Variants in EYA3 observed in about 807,000 individuals in gnomAD.
EYA3 encodes the protein EYA transcriptional coactivator and phosphatase 3.
In EYA3, 39 loss-of-function variants were observed where a neutral mutation model predicts 80.0. The ratio of observed to expected loss-of-function variants is 0.49; its 90% CI spans 0.38 to 0.64. The LOEUF (loss-of-function observed/expected upper bound fraction) is 0.64. EYA3 is among the 30% of genes least tolerant of loss of function. EYA3 has a pLI of 0.00. For missense variants in EYA3, 523 were observed against 676.1 expected (o/e 0.77, Z 2.51); for synonymous variants, 206 against 232.8 (o/e 0.88, Z 1.05).
intron 7 of EYA3, among the ~76,000 whole-genome samples, chr1:28,020,991 C>T (rs1642400387): frequency 6.6e-6 from 1 of 152,074 alleles, no homozygotes; most frequent in African/African-American, 2.4e-5. Context: ...AGACAATATA[C>T]AGATAAAGCT....
chr1:28,063,312 T>TTA (rs1462519296), intron 1 of EYA3, among the ~76,000 whole-genome samples: 1 of 149,968 alleles, frequency 6.7e-6, no homozygotes. Flanking sequence ...TATATTTTTT[T>TTA]TTATTTTTAA....
intron 1 of EYA3, among the ~76,000 whole-genome samples, chr1:28,085,190 C>T (rs1645605405): frequency 6.6e-6 from 1 of 152,148 alleles, no homozygotes; most frequent in Admixed American, 6.5e-5. Flanking sequence ...GTGGCTCACA[C>T]CTTTAATCTC....
At chr1:28,017,102 G>A in intron 8 of EYA3, 52 bp downstream of exon 8, 1 of 1,477,218 alleles carries the variant, frequency 6.8e-7, no homozygotes, top group Non-Finnish European at 9.4e-7. Flanking sequence ...AAAGAAGAAA[G>A]AGCAAGCTGG....
intron 11 of EYA3, among the ~76,000 whole-genome samples, chr1:28,002,442 T>A (rs1640931729): frequency 1.3e-5 from 2 of 150,850 alleles, no homozygotes; most frequent in South Asian, 4.1e-4. Flanking sequence ...TTTTTTAATT[T>A]TATATATTTT....
At chr1:28,065,933 C>G (rs1170720166) in intron 1 of EYA3, among the ~76,000 whole-genome samples, 1 of 151,488 alleles carries the variant, frequency 6.6e-6, no homozygotes, top group Non-Finnish European at 1.5e-5. Context: ...AACCAGGACC[C>G]GGGAGGCGGA....
At chr1:28,052,811 A>G (rs12128770) in intron 2 of EYA3, among the ~76,000 whole-genome samples, 39,283 of 151,542 alleles carry the variant, frequency 0.26, 5,131 homozygotes, top group Non-Finnish European at 0.28. Flanking sequence ...GTGTGGTGGC[A>G]GGCGCCTGTA....
chr1:27,974,474 A>G lies in EYA3; in HGVS notation c.1714T>C (p.Phe572Leu). 1 of 1,612,696 alleles carries G rather than the reference A, an allele frequency of 6.2e-7. No individual in the cohort carries two copies. Among genetic ancestry groups the G allele is most frequent in the Non-Finnish European group, 8.5e-7 (1 of 1,178,894 alleles). ...VSLHQALELD[F>L]L is the part of the protein sequence containing the mutation. ...GCTCCTCATTCCAGTTCTTAGAGAA[A>G]ATCAAGCTCTAAAGCCTGGTGAAGG... is the stretch of plus-strand genomic sequence containing the variant. The change falls in exon 18 of 18, where the codon TTT becomes CTT. Residue 572 changes from phenylalanine (F) to leucine (L), a missense_variant. Around this residue, in one of 2 missense-constraint regions of EYA3, gnomAD observed 219 missense variants for 332.8 expected, o/e 0.66. Transcript: ENST00000373871.
At chr1:28,007,907 G>C (rs944222711) in intron 10 of EYA3, among the ~76,000 whole-genome samples, 4 of 152,028 alleles carry the variant, frequency 2.6e-5, no homozygotes, top group African/African-American at 9.7e-5. Flanking sequence ...AAATTCTTAT[G>C]AATCTCAAGG....
chr1:27,993,328 A>G, intron 14 of EYA3, 72 bp downstream of exon 14: 1 of 1,459,252 alleles, frequency 6.9e-7, no homozygotes, highest in East Asian at 2.3e-5. Context: ...GGGGAATCTA[A>G]GGAATCCCTG....
At chr1:27,995,240 T>TAA (rs556685200) in intron 13 of EYA3, among the ~76,000 whole-genome samples, 3 of 137,854 alleles carry the variant, frequency 2.2e-5, no homozygotes, top group Admixed American at 1.5e-4. Flanking sequence ...CCCCCATCTC[T>TAA]AAAAAAAAAA....
chr1:28,047,315 T>C (rs546528444), intron 3 of EYA3, among the ~76,000 whole-genome samples: 2 of 152,236 alleles, frequency 1.3e-5, no homozygotes, highest in African/African-American at 4.8e-5. Flanking sequence ...GTGTTTTTAG[T>C]AGAAACAAGG....
At chr1:28,066,895 T>G (rs1473624882) in intron 1 of EYA3, among the ~76,000 whole-genome samples, 1 of 152,164 alleles carries the variant, frequency 6.6e-6, no homozygotes, top group African/African-American at 2.4e-5. Flanking sequence ...ACAGGCAGTT[T>G]AAACCACAGA....
At chr1:28,058,446 A>C (rs950023795) in intron 1 of EYA3, among the ~76,000 whole-genome samples, 6 of 152,224 alleles carry the variant, frequency 3.9e-5, no homozygotes, top group African/African-American at 1.4e-4. Context: ...CTGGCCTAGC[A>C]AGTCAGCAAG....
intron 17 of EYA3, among the ~76,000 whole-genome samples, chr1:27,975,289 C>T (rs1638876242): frequency 6.6e-6 from 1 of 152,010 alleles, no homozygotes; most frequent in Non-Finnish European, 1.5e-5. Context: ...TCAAGTGATC[C>T]TCCCACCTCA....
intron 3 of EYA3, among the ~76,000 whole-genome samples, 194 bp downstream of exon 3, chr1:28,048,189 A>T (rs1248555037): frequency 6.6e-6 from 1 of 152,224 alleles, no homozygotes; most frequent in Non-Finnish European, 1.5e-5. Flanking sequence ...GCATAAGAAC[A>T]AATCAGTGCA....
At chr1:28,038,586 TA>T (rs1236012469) in intron 5 of EYA3, among the ~76,000 whole-genome samples, 1 of 152,150 alleles carries the variant, frequency 6.6e-6, no homozygotes, top group East Asian at 1.9e-4. Flanking sequence ...TCACTAACAC[TA>T]TTTTGCATGT....
chr1:28,039,632 G>C (rs1442546315), intron 4 of EYA3, among the ~76,000 whole-genome samples: 1 of 152,142 alleles, frequency 6.6e-6, no homozygotes, highest in Admixed American at 6.6e-5. Flanking sequence ...GTAAATATCT[G>C]ATTAAAAGTG....
Position 28,042,183 on chromosome 1 carries a change from G to A in EYA3, c.157+388C>T, listed in dbSNP as rs77955995. Among the ~76,000 whole-genome samples the A allele has an allele frequency of 4.4e-4, 67 of 152,152 alleles. 3 individuals are homozygous for A. The East Asian group carries it at 0.013, about 29-fold the overall frequency. On this transcript the variant is annotated intron_variant, in intron 4 of 17. Transcript: ENST00000373871. ...ACCACCAGAATAGAATCACCTTTGAGGAAACACTATATAGAACTCAAGACA... is the reference window on the plus strand; with the variant it reads ...ACCACCAGAATAGAATCACCTTTGAAGAAACACTATATAGAACTCAAGACA...
intron 14 of EYA3, among the ~76,000 whole-genome samples, chr1:27,992,660 C>T (rs1640158920): frequency 6.6e-6 from 1 of 152,120 alleles, no homozygotes. Flanking sequence ...CAAAAGAGTA[C>T]CTCACTATAA....
Sources: allele counts gnomAD v4.1 joint callset (sites outside exome capture counted in the v4.1 genomes callset), GRCh38; gene constraint gnomAD v4.1.1; regional missense constraint gnomAD v4.1.1; transcripts MANE v1.5; gene names NCBI Gene and HGNC (gene_info 2026-07-23, HGNC 2026-07-21).